The following SLCO6A1 variants were observed in gnomAD, a reference collection of about 807,000 sequenced individuals.
SLCO6A1 encodes the protein solute carrier organic anion transporter family member 6A1.
SLCO6A1 carries 65 observed loss-of-function variants against 72.7 expected under a neutral mutation model. The ratio of observed to expected loss-of-function variants is 0.89; its 90% CI spans 0.73 to 1.10. SLCO6A1 has a LOEUF of 1.10. Ranked by LOEUF, SLCO6A1 falls within the 50% of genes least tolerant of loss-of-function variation. The pLI is 0.00. For synonymous variants in SLCO6A1, 314 were observed against 298.2 expected (o/e 1.05, Z -0.55); for missense variants, 874 against 872.6 (o/e 1.00, Z -0.02).
At chr5:102,432,383 T>C (rs1217408386) in intron 7 of SLCO6A1, among the ~76,000 whole-genome samples, 1 of 152,198 alleles carries the variant, frequency 6.6e-6, no homozygotes, top group Non-Finnish European at 1.5e-5. Context: ...TGGTCTTTCC[T>C]TTCCATATTT....
At chr5:102,480,073 A>T in intron 2 of SLCO6A1, 104 bp downstream of exon 2, 1 of 1,099,978 alleles carries the variant, frequency 9.1e-7, no homozygotes. Context: ...GGATGGATGG[A>T]TAGATATACA....
intron 6 of SLCO6A1, among the ~76,000 whole-genome samples, chr5:102,448,266 T>A (rs1422017616): frequency 6.6e-6 from 1 of 152,184 alleles, no homozygotes; most frequent in Non-Finnish European, 1.5e-5. Flanking sequence ...TTATTTGAAT[T>A]TGTTAAGAAT....
In SLCO6A1 at chr5:102,491,830, G is replaced by A. The variant is rs537861237; in HGVS notation, c.358+6657C>T. ...GCAGGCTGGAGGGCTCCTCAAGCAT[G>A]GCCAGAGTGGGCGCCAAGGCGGAGG... On this transcript the variant is annotated intron_variant, in intron 1 of 13. Transcript: ENST00000506729. 2.1e-3 allele frequency among the ~76,000 whole-genome samples: 317 copies of A among 152,394 alleles called. 3 individuals carry two copies. Among genetic ancestry groups the A allele is most frequent in the African/African-American group, 7.2e-3 (301 of 41,606 alleles).
intron 6 of SLCO6A1, among the ~76,000 whole-genome samples, chr5:102,449,448 A>T (rs1750294844): frequency 6.6e-6 from 1 of 151,174 alleles, no homozygotes; most frequent in Admixed American, 6.6e-5. Context: ...GTGCAGTGGC[A>T]CAATCTCGGC....
At chr5:102,494,251 T>C (rs1752811899) in intron 1 of SLCO6A1, among the ~76,000 whole-genome samples, 2 of 152,092 alleles carry the variant, frequency 1.3e-5, no homozygotes, top group South Asian at 4.1e-4. Flanking sequence ...TAAAACTTGA[T>C]CCTTTCCATA....
Position 102,388,770 on chromosome 5 carries a change from T to A in SLCO6A1, c.1935A>T (p.Leu645Phe), listed in dbSNP as rs1258576644. ...FKMSGETSCILRDVNKCGHTG... is the reference protein window; with the variant it reads ...FKMSGETSCIFRDVNKCGHTG... ...TGTGTCCACATTTATTAACATCCCG[T>A]AAAATACAAGAAGTTTCTCCTGACA... The change falls in exon 12 of 14, where the codon TTA becomes TTT. Residue 645 changes from leucine (L) to phenylalanine (F), a missense_variant. Transcript: ENST00000506729. The A allele has an allele frequency of 1.2e-6, 2 of 1,608,494 alleles. No individual in the cohort carries two copies. Among genetic ancestry groups the A allele is most frequent in the Admixed American group, 3.4e-5 (2 of 58,734 alleles).
chr5:102,396,639 G>C (rs977561333), intron 10 of SLCO6A1, among the ~76,000 whole-genome samples: 1 of 152,136 alleles, frequency 6.6e-6, no homozygotes, highest in Non-Finnish European at 1.5e-5. Context: ...GACTGCTTTT[G>C]TGTGATATTT....
intron 8 of SLCO6A1, among the ~76,000 whole-genome samples, chr5:102,419,618 T>G (rs1489973608): frequency 6.6e-6 from 1 of 152,118 alleles, no homozygotes; most frequent in East Asian, 1.9e-4. Context: ...ACTTTACGAA[T>G]GCATAAACAG....
rs554592909 is a variant in SLCO6A1, at chr5:102,494,496, C to T, written c.358+3991G>A. On this transcript the variant is annotated intron_variant, in intron 1 of 13. Transcript: ENST00000506729. ...GACACAGAAAAATATTAAAAAGCCA[C>T]GGATTGGGAGAAAATATTAGTAAAT... Among the ~76,000 whole-genome samples, 17 of 152,196 alleles carry T rather than the reference C, an allele frequency of 1.1e-4. No homozygotes were observed. In the East Asian group the frequency reaches 1.2e-3, roughly 10 times the overall value.
At position 102,466,850 on chromosome 5, in the gene SLCO6A1, T is replaced by G. The variant is rs180689677; in HGVS notation, c.900-7073A>C. Among the ~76,000 whole-genome samples the G allele has an allele frequency of 2.1e-3, 317 of 152,146 alleles. 3 individuals are homozygous for G. Among genetic ancestry groups the G allele is most frequent in the African/African-American group, 7.2e-3 (301 of 41,544 alleles). ...GAAGTGTCTGTTCATGTCCTTTGCC[T>G]ACTTTTTAATGGAGTTGTTTGTTTT... On this transcript the variant is annotated intron_variant, in intron 4 of 13. Transcript: ENST00000506729.
chr5:102,498,560 G>C lies in SLCO6A1; in HGVS notation c.285C>G (p.Val95=), dbSNP rs1321576289. The C allele has an allele frequency of 6.2e-7, 1 of 1,614,230 alleles. No homozygotes were observed. The highest frequency in any genetic ancestry group is 1.1e-5 in the South Asian group (1 of 91,082). ...LEQPCGLGCL[V]STCCECCNNI... Reference sequence around the variant, plus strand: ...TATTGCAACACTCACAGCAGGTGCTGACTAAGCAGCCCAAACCACAGGGCT... The same window carrying C: ...TATTGCAACACTCACAGCAGGTGCTCACTAAGCAGCCCAAACCACAGGGCT... The change falls in exon 1 of 14, where the codon GTC becomes GTG. Residue 95 remains valine (V), a synonymous_variant. Transcript: ENST00000506729.
chr5:102,382,919 A>T (rs1422657640), intron 12 of SLCO6A1, among the ~76,000 whole-genome samples: 5 of 150,328 alleles, frequency 3.3e-5, no homozygotes, highest in African/African-American at 1.2e-4. Context: ...ACATATATAT[A>T]CATGAGATAT....
chr5:102,446,692 G>T (rs1463074146), intron 6 of SLCO6A1, among the ~76,000 whole-genome samples: 3 of 151,994 alleles, frequency 2.0e-5, no homozygotes, highest in Non-Finnish European at 4.4e-5. Flanking sequence ...GTTGGTTATG[G>T]GTTTGTAATA....
chr5:102,417,534 T>C (rs114816088), intron 8 of SLCO6A1, among the ~76,000 whole-genome samples: 3,543 of 152,280 alleles, frequency 0.023, 98 homozygotes, highest in African/African-American at 0.068. Flanking sequence ...AGATTTATAG[T>C]ATACATTTTT....
intron 1 of SLCO6A1, among the ~76,000 whole-genome samples, chr5:102,486,102 T>C (rs1239758085): frequency 2.0e-5 from 3 of 152,190 alleles, no homozygotes; most frequent in Non-Finnish European, 2.9e-5. Context: ...TATGATTACT[T>C]TGTTTCACCA....
Position 102,399,742 on chromosome 5 carries a change from T to C in SLCO6A1, c.1627A>G (p.Met543Val), listed in dbSNP as rs962351825. The C allele has an allele frequency of 2.6e-6, 4 of 1,554,970 alleles. No individual in the cohort carries two copies. In the African/African-American group the frequency reaches 5.4e-5, roughly 21 times the overall value. ...TYSKAQNQKK[M>V]YYNCSCIKEG... is the part of the protein sequence containing the mutation. Reference sequence around the variant, plus strand: ...TTAATGCAAGAACAATTGTAGTACATCTGTGAGTATTGAAGACAGGAAACA... The same window carrying C: ...TTAATGCAAGAACAATTGTAGTACACCTGTGAGTATTGAAGACAGGAAACA... The change falls in exon 10 of 14, where the codon ATG becomes GTG. Residue 543 changes from methionine to valine, a missense_variant and splice_region_variant. By Grantham distance (21) the Met-to-Val change is conservative. Transcript: ENST00000506729.
intron 6 of SLCO6A1, among the ~76,000 whole-genome samples, chr5:102,456,570 G>A (rs1225813272): frequency 1.3e-5 from 2 of 152,146 alleles, no homozygotes; most frequent in Non-Finnish European, 2.9e-5. Context: ...TCTTCAAGGA[G>A]AACTACAAAC....
At position 102,486,463 on chromosome 5, in the gene SLCO6A1, TACA is replaced by T; in HGVS notation, c.359-6032_359-6030del. ...ATTTTCAGCTGCTTTTAAATAAAAGTACAACTGCAAATTAGAGAATTTATTTAT... is the reference window on the plus strand; with the variant it reads ...ATTTTCAGCTGCTTTTAAATAAAAGTACTGCAAATTAGAGAATTTATTTAT... On this transcript the variant is annotated intron_variant, in intron 1 of 13. Coordinates refer to ENST00000506729, the MANE Select transcript of SLCO6A1 (RefSeq NM_173488.5). Among the ~76,000 whole-genome samples, 2 of 152,104 alleles carry T rather than the reference TACA, an allele frequency of 1.3e-5. 1 individual carries two copies. Among genetic ancestry groups the T allele is most frequent in the Non-Finnish European group, 2.9e-5 (2 of 67,982 alleles).
At chr5:102,480,071 GGATA>G in intron 2 of SLCO6A1, 102 bp downstream of exon 2, 1 of 1,079,300 alleles carries the variant, frequency 9.3e-7, no homozygotes, top group Non-Finnish European at 1.3e-6. Context: ...ATGGATGGAT[GGATA>G]GATATACAGA....
Sources: allele counts gnomAD v4.1 joint callset (sites outside exome capture counted in the v4.1 genomes callset), GRCh38; gene constraint gnomAD v4.1.1; transcripts MANE v1.5; gene names NCBI Gene and HGNC (gene_info 2026-07-23, HGNC 2026-07-21).